Variants in ZFAT observed in about 807,000 individuals in gnomAD.
The protein encoded by ZFAT is zinc finger and AT-hook domain containing.
In ZFAT, 64 loss-of-function variants were observed where a neutral mutation model predicts 117.7. That is an observed-to-expected ratio of 0.54 (90% CI 0.44 to 0.67). ZFAT has a LOEUF of 0.67. Ranked by LOEUF, ZFAT falls within the 30% of genes least tolerant of loss-of-function variation. The pLI is 0.00. For missense variants in ZFAT, 1,433 were observed against 1,584.5 expected (o/e 0.90, Z 1.62); for synonymous variants, 679 against 615.0 (o/e 1.10, Z -1.54).
At chr8:134,817,392 TCTACACAC>T in the ZFAT span, among the ~76,000 whole-genome samples, 1 of 101,838 alleles carries the variant, frequency 9.8e-6, no homozygotes, top group African/African-American at 3.6e-5. Context: ...TCTCTCTCTC[TCTACACAC>T]ACACACACAC....
intron 1 of ZFAT, among the ~76,000 whole-genome samples, chr8:134,660,008 T>A (rs1044446228): frequency 6.6e-6 from 1 of 152,200 alleles, no homozygotes. Context: ...CCAATCGATA[T>A]TATTTTTTTC....
intron 13 of ZFAT, among the ~76,000 whole-genome samples, chr8:134,518,080 T>A (rs1820377603): frequency 6.6e-6 from 1 of 152,230 alleles, no homozygotes; most frequent in Admixed American, 6.5e-5. Context: ...TTTTGCCTAC[T>A]AACTTTAGCA....
At chr8:134,747,913 C>A in the ZFAT span, among the ~76,000 whole-genome samples, 1 of 152,054 alleles carries the variant, frequency 6.6e-6, no homozygotes, top group Non-Finnish European at 1.5e-5. Context: ...TTGATGAAGT[C>A]CAGAATTAAT....
chr8:134,791,539 A>G, the ZFAT span, among the ~76,000 whole-genome samples: 1 of 151,958 alleles, frequency 6.6e-6, no homozygotes, highest in Non-Finnish European at 1.5e-5. Context: ...AGCTGTGTGT[A>G]TATTTGTTGT....
intron 10 of ZFAT, among the ~76,000 whole-genome samples, chr8:134,566,323 G>A (rs566333565): frequency 2.1e-5 from 3 of 141,982 alleles, no homozygotes; most frequent in African/African-American, 7.7e-5. Context: ...GAACCCGGGA[G>A]GTGGAGCTTG....
intron 10 of ZFAT, among the ~76,000 whole-genome samples, chr8:134,576,668 G>A (rs72719761): frequency 0.087 from 13,315 of 152,224 alleles, 738 homozygotes; most frequent in Non-Finnish European, 0.13. Flanking sequence ...TTAGAGGACA[G>A]TGGAGGAAAA....
intron 4 of ZFAT, among the ~76,000 whole-genome samples, chr8:134,610,196 G>A (rs557098659): frequency 2.6e-4 from 40 of 152,296 alleles, no homozygotes; most frequent in African/African-American, 8.2e-4. Flanking sequence ...AACTGCTCCC[G>A]GAACCACTAC....
intron 1 of ZFAT, among the ~76,000 whole-genome samples, chr8:134,658,711 A>G (rs1172756938): frequency 6.6e-6 from 1 of 152,230 alleles, no homozygotes; most frequent in Non-Finnish European, 1.5e-5. Flanking sequence ...AACAATTAAA[A>G]GCCAGATCTT....
chr8:134,620,080 G>C (rs1829010751), intron 3 of ZFAT, among the ~76,000 whole-genome samples: 1 of 152,228 alleles, frequency 6.6e-6, no homozygotes, highest in Non-Finnish European at 1.5e-5. Context: ...GGAGAGAACA[G>C]AGGGGCCTGG....
At chr8:134,569,827 G>A (rs1479796440) in intron 10 of ZFAT, among the ~76,000 whole-genome samples, 1 of 152,174 alleles carries the variant, frequency 6.6e-6, no homozygotes, top group African/African-American at 2.4e-5. Context: ...TTCTAATTAA[G>A]CCAGCCTAAA....
At chr8:134,823,795 T>C in the ZFAT span, among the ~76,000 whole-genome samples, 1 of 152,234 alleles carries the variant, frequency 6.6e-6, no homozygotes, top group Non-Finnish European at 1.5e-5. Flanking sequence ...GAATCTAAGA[T>C]ATCACTTAAG....
In ZFAT at chr8:134,709,719, G is replaced by A. The variant is rs79241636; in HGVS notation, c.19+3126C>T. Among the ~76,000 whole-genome samples, 948 of 152,278 alleles carry A rather than the reference G, an allele frequency of 6.2e-3. 11 individuals are homozygous for A. Among genetic ancestry groups the A allele is most frequent in the African/African-American group, 0.021 (885 of 41,546 alleles). ...CTGATTCTTGACTGCCCTTGCTCTA[G>A]GCAAGAGCTTAATTCTACTTAACAA... On this transcript the variant is annotated intron_variant, in intron 1 of 15. Coordinates refer to ENST00000377838, the MANE Select transcript of ZFAT (RefSeq NM_020863.4).
At chr8:134,641,554 G>C (rs956330364) in intron 2 of ZFAT, among the ~76,000 whole-genome samples, 2 of 152,166 alleles carry the variant, frequency 1.3e-5, no homozygotes, top group Non-Finnish European at 2.9e-5. Flanking sequence ...CACACGTAGG[G>C]TGTGTATGCG....
chr8:134,828,677 C>CT, the ZFAT span, among the ~76,000 whole-genome samples: 2 of 152,070 alleles, frequency 1.3e-5, no homozygotes, highest in Non-Finnish European at 2.9e-5. Flanking sequence ...ACTCACATTC[C>CT]TTTTTTTTCT....
chr8:134,811,795 C>T, the ZFAT span, among the ~76,000 whole-genome samples: 3 of 152,206 alleles, frequency 2.0e-5, no homozygotes, highest in East Asian at 5.8e-4. Flanking sequence ...CTAGGCCAAA[C>T]ATTTGACTTT....
chr8:134,575,967 G>C (rs1825267451), intron 10 of ZFAT, among the ~76,000 whole-genome samples: 1 of 152,206 alleles, frequency 6.6e-6, no homozygotes. Context: ...CTTAGGGCCT[G>C]ATGATTCTCT....
At chr8:134,578,184 G>A (rs972314846) in intron 10 of ZFAT, among the ~76,000 whole-genome samples, 18 of 151,926 alleles carry the variant, frequency 1.2e-4, no homozygotes, top group African/African-American at 1.9e-4. Flanking sequence ...AGGCTGAGGC[G>A]GGCAGATCAC....
chr8:134,592,882 C>T (rs760339520), intron 7 of ZFAT, among the ~76,000 whole-genome samples: 4 of 152,232 alleles, frequency 2.6e-5, no homozygotes, highest in Non-Finnish European at 5.9e-5. Flanking sequence ...CAAATGGTTT[C>T]GATGCATTTC....
intron 1 of ZFAT, among the ~76,000 whole-genome samples, chr8:134,702,250 G>A (rs938510213): frequency 2.0e-5 from 3 of 152,198 alleles, no homozygotes; most frequent in African/African-American, 7.2e-5. Flanking sequence ...ACAGAAATCA[G>A]ACTAAGACAG....
Sources: allele counts gnomAD v4.1 joint callset (sites outside exome capture counted in the v4.1 genomes callset), GRCh38; gene constraint gnomAD v4.1.1; transcripts MANE v1.5; gene names NCBI Gene and HGNC (gene_info 2026-07-23, HGNC 2026-07-21).